The following ARHGEF3 variants were observed in gnomAD, a reference collection of about 807,000 sequenced individuals.
ARHGEF3 encodes Rho guanine nucleotide exchange factor 3, also known as 59.8 kDA protein.
In ARHGEF3, 28 loss-of-function variants were observed where a neutral mutation model predicts 63.2. That is an observed-to-expected ratio of 0.44 (90% CI 0.33 to 0.61). The LOEUF (loss-of-function observed/expected upper bound fraction) is 0.61. Ranked by LOEUF, ARHGEF3 falls within the 20% of genes least tolerant of loss-of-function variation. The probability of loss-of-function intolerance (pLI) is 0.03; values close to 1 mark genes in which losing one functional copy is unlikely to be tolerated. For missense variants in ARHGEF3, 533 were observed against 659.3 expected, an observed-to-expected ratio of 0.81 and a Z score of 2.10; for synonymous variants, 266 against 254.2, an observed-to-expected ratio of 1.05 and a Z score of -0.44.
intron 2 of ARHGEF3, among the ~76,000 whole-genome samples, chr3:56,974,918 T>C (rs983468825): frequency 5.3e-5 from 8 of 152,170 alleles, no homozygotes; most frequent in Non-Finnish European, 1.2e-4. Flanking sequence ...GGACTCCTTG[T>C]TTGTGCTCTG....
At chr3:56,923,130 G>A (rs1271710304) in intron 3 of ARHGEF3, among the ~76,000 whole-genome samples, 2 of 146,972 alleles carry the variant, frequency 1.4e-5, no homozygotes, top group Non-Finnish European at 3.0e-5. Context: ...CGGGAAGCTG[G>A]GACAGGAGAA....
chr3:56,964,757 G>A (rs968712798), intron 2 of ARHGEF3, among the ~76,000 whole-genome samples: 11 of 152,086 alleles, frequency 7.2e-5, no homozygotes, highest in African/African-American at 2.7e-4. Context: ...ACCTCCCAGA[G>A]AAAATGAGGC....
chr3:57,016,816 G>T (rs1320398826), intron 2 of ARHGEF3, among the ~76,000 whole-genome samples: 2 of 151,906 alleles, frequency 1.3e-5, no homozygotes, highest in African/African-American at 4.8e-5. Flanking sequence ...GTGGGGGAGG[G>T]GTCTTCTTTG....
At chr3:56,773,558 TTCC>T in intron 2 of ARHGEF3, 148 bp downstream of exon 2, 1 of 627,692 alleles carries the variant, frequency 1.6e-6, no homozygotes, top group Non-Finnish European at 2.5e-6. Context: ...AACATCTTTC[TTCC>T]TCCAAGTCCC....
intron 4 of ARHGEF3, among the ~76,000 whole-genome samples, chr3:56,824,490 G>T (rs2038640024): frequency 6.6e-6 from 1 of 152,176 alleles, no homozygotes; most frequent in Non-Finnish European, 1.5e-5. Context: ...TCCCATTATA[G>T]ATGAGGAAAC....
chr3:56,861,502 T>G (rs548658565), intron 4 of ARHGEF3, among the ~76,000 whole-genome samples: 1 of 152,240 alleles, frequency 6.6e-6, no homozygotes, highest in African/African-American at 2.4e-5. Context: ...GCAAGGAAAT[T>G]TGAGCCCAAT....
chr3:56,902,977 T>C (rs1251454785), intron 3 of ARHGEF3, among the ~76,000 whole-genome samples: 6 of 152,128 alleles, frequency 3.9e-5, no homozygotes, highest in Non-Finnish European at 5.9e-5. Flanking sequence ...AATTTCTGTC[T>C]AAAATAAAGA....
chr3:57,045,508 C>T (rs1019371548), intron 1 of ARHGEF3, among the ~76,000 whole-genome samples: 10 of 152,186 alleles, frequency 6.6e-5, no homozygotes, highest in African/African-American at 2.2e-4. Flanking sequence ...TTGTCTATGT[C>T]ACATTGTCAT....
chr3:56,914,390 T>A (rs1156302526), intron 3 of ARHGEF3, among the ~76,000 whole-genome samples: 1 of 152,188 alleles, frequency 6.6e-6, no homozygotes, highest in Non-Finnish European at 1.5e-5. Context: ...GATGAATGGA[T>A]AAGCAAAATG....
At chr3:57,074,352 A>C (rs1358788964) in intron 1 of ARHGEF3, 25 of 1,242,592 alleles carry the variant, frequency 2.0e-5, no homozygotes, top group Middle Eastern at 4.2e-4. Flanking sequence ...TCCATCCCCC[A>C]CCCCCACCAG....
intron 4 of ARHGEF3, among the ~76,000 whole-genome samples, chr3:56,856,175 C>A (rs904631299): frequency 3.9e-5 from 6 of 152,016 alleles, no homozygotes; most frequent in Admixed American, 2.0e-4. Flanking sequence ...GTGTCGCCAT[C>A]AGAAGATACC....
intron 3 of ARHGEF3, among the ~76,000 whole-genome samples, chr3:56,953,880 G>A (rs190840383): frequency 6.6e-6 from 1 of 152,282 alleles, no homozygotes; most frequent in African/African-American, 2.4e-5. Flanking sequence ...TGTGCCTGAA[G>A]CTTACCCACC....
At chr3:56,846,694 T>A (rs760875493) in intron 4 of ARHGEF3, among the ~76,000 whole-genome samples, 57 of 152,130 alleles carry the variant, frequency 3.7e-4, no homozygotes, top group Non-Finnish European at 7.5e-4. Flanking sequence ...TGGACTAACT[T>A]CACAACTTTT....
intron 3 of ARHGEF3, among the ~76,000 whole-genome samples, chr3:56,912,777 GAACA>G (rs2041885978): frequency 6.6e-6 from 1 of 152,236 alleles, no homozygotes; most frequent in Non-Finnish European, 1.5e-5. Flanking sequence ...TTTGTCAAGA[GAACA>G]AATAGTGAGG....
At chr3:56,869,562 A>C (rs2108218837) in intron 4 of ARHGEF3, among the ~76,000 whole-genome samples, 1 of 152,372 alleles carries the variant, frequency 6.6e-6, no homozygotes, top group Non-Finnish European at 1.5e-5. Context: ...TCAAGGGCAA[A>C]AGTCAACATA....
chr3:56,889,583 G>A (rs2041042694), intron 3 of ARHGEF3, among the ~76,000 whole-genome samples: 1 of 152,168 alleles, frequency 6.6e-6, no homozygotes, highest in South Asian at 2.1e-4. Flanking sequence ...GCTCAGGAAG[G>A]TTTTAGTAAC....
At chr3:56,795,655 C>CTTTT (rs11306302) in intron 1 of ARHGEF3, among the ~76,000 whole-genome samples, 55 of 130,566 alleles carry the variant, frequency 4.2e-4, no homozygotes, top group East Asian at 1.3e-3. Flanking sequence ...GTCTCTCTCT[C>CTTTT]TTTTTTTTTT....
At chr3:56,818,357 C>T (rs1196658153) in intron 4 of ARHGEF3, among the ~76,000 whole-genome samples, 1 of 152,192 alleles carries the variant, frequency 6.6e-6, no homozygotes, top group Non-Finnish European at 1.5e-5. Context: ...TATGTTTGCA[C>T]AGCGACTACA....
chr3:56,975,082 T>C (rs902372733), intron 2 of ARHGEF3, among the ~76,000 whole-genome samples: 1 of 151,996 alleles, frequency 6.6e-6, no homozygotes, highest in Non-Finnish European at 1.5e-5. Flanking sequence ...ACCCTCAATC[T>C]CTCTGTCATA....
Sources: gnomAD v4.1 joint callset for allele counts (sites outside exome capture counted in the v4.1 genomes callset) on GRCh38, gnomAD v4.1.1 for gene constraint, MANE v1.5 for transcripts, NCBI Gene and HGNC (gene_info 2026-07-23, HGNC 2026-07-21) for gene names.